The following CYP4X1 variants were observed in gnomAD, a reference collection of about 807,000 sequenced individuals.
The protein encoded by CYP4X1 is cytochrome P450 4X1.
Under a neutral mutation model 57.9 loss-of-function variants are expected in CYP4X1, and 44 were observed. The observed-to-expected ratio is 0.76, with a 90% CI of 0.60 to 0.98. The LOEUF (loss-of-function observed/expected upper bound fraction) is 0.98, where lower values mean the gene tolerates loss of function less well. Ranked by LOEUF, CYP4X1 falls within the 50% of genes least tolerant of loss-of-function variation. The pLI is 0.00. For synonymous variants in CYP4X1, 227 were observed against 228.6 expected (o/e 0.99, Z 0.06); for missense variants, 532 against 623.9 (o/e 0.85, Z 1.57).
chr1:47,030,491 T>C (rs1644113772), intron 2 of CYP4X1, among the ~76,000 whole-genome samples: 1 of 152,068 alleles, frequency 6.6e-6, no homozygotes, highest in African/African-American at 2.4e-5. Context: ...GGGTGGGAAA[T>C]CAGCAGTAAC....
chr1:47,026,363 A>G (rs989724401), intron 1 of CYP4X1, among the ~76,000 whole-genome samples: 2 of 152,194 alleles, frequency 1.3e-5, no homozygotes, highest in Non-Finnish European at 2.9e-5. Context: ...TACACCTACT[A>G]TGTATCCACA....
the CYP4X1 span, among the ~76,000 whole-genome samples, chr1:47,000,373 A>C: frequency 6.6e-6 from 1 of 152,108 alleles, no homozygotes; most frequent in South Asian, 2.1e-4. Flanking sequence ...GTGTGAAAAC[A>C]GATAAATACA....
the CYP4X1 span, among the ~76,000 whole-genome samples, chr1:47,013,966 T>G: frequency 0.021 from 3,259 of 151,890 alleles, 76 homozygotes; most frequent in African/African-American, 0.057. Flanking sequence ...GTAGAGATAG[T>G]GTTTCGCCAA....
chr1:46,968,972 G>A, the CYP4X1 span, among the ~76,000 whole-genome samples: 1 of 152,178 alleles, frequency 6.6e-6, no homozygotes, highest in Non-Finnish European at 1.5e-5. Context: ...AATTTGTGCT[G>A]CTGAATACTC....
the CYP4X1 span, among the ~76,000 whole-genome samples, chr1:46,992,866 T>TG: frequency 1.3e-5 from 2 of 152,228 alleles, no homozygotes; most frequent in Non-Finnish European, 2.9e-5. Context: ...ACCAGCAATT[T>TG]GTAAGAGTTC....
chr1:46,977,628 AC>A, the CYP4X1 span, among the ~76,000 whole-genome samples: 91 of 152,146 alleles, frequency 6.0e-4, no homozygotes, highest in African/African-American at 2.0e-3. Context: ...ACAGAGACCA[AC>A]AAAAAGATAC....
chr1:46,974,625 G>A, the CYP4X1 span, among the ~76,000 whole-genome samples: 1 of 152,124 alleles, frequency 6.6e-6, no homozygotes, highest in Non-Finnish European at 1.5e-5. Flanking sequence ...AGTGTTGGGT[G>A]CATGTATATT....
chr1:46,983,079 G>A, the CYP4X1 span, among the ~76,000 whole-genome samples: 2 of 152,212 alleles, frequency 1.3e-5, 1 homozygote, highest in African/African-American at 4.8e-5. Context: ...GAGCTTGTGG[G>A]AAAGGCCGTC....
rs1157149533 is a variant in CYP4X1 at position 47,036,043 on chromosome 1, T to C, written c.647T>C (p.Ile216Thr). 6.2e-7 allele frequency: 1 copy of C among 1,613,532 alleles called. No homozygotes were observed. The highest frequency in any genetic ancestry group is 1.1e-5 in the South Asian group (1 of 91,006). The change falls in exon 6 of 12, where the codon ATA (isoleucine) becomes ACA (threonine). Residue 216 changes from isoleucine (I) to threonine (T), a missense_variant. By Grantham distance (89) the Ile-to-Thr change is moderately conservative (BLOSUM62 -1). Coordinates refer to ENST00000371901, the MANE Select transcript of CYP4X1 (RefSeq NM_178033.2). ...ACCCATGATCCTTATGCAAAAGCCA[T>C]ATTTGAACTCAGCAAAATCATATTT... Reference protein sequence around the residue: ...NSTHDPYAKAIFELSKIIFHR... With the variant: ...NSTHDPYAKATFELSKIIFHR...
intron 3 of CYP4X1, among the ~76,000 whole-genome samples, chr1:47,032,165 C>T (rs1020325628): frequency 1.6e-4 from 25 of 152,068 alleles, no homozygotes; most frequent in Admixed American, 6.6e-5. Context: ...CCTTTATTTC[C>T]ACATGCGAGT....
the CYP4X1 span, among the ~76,000 whole-genome samples, chr1:46,968,453 T>C: frequency 6.6e-6 from 1 of 152,158 alleles, no homozygotes. Flanking sequence ...GCCCACCTCT[T>C]ACCTGTGCAG....
At chr1:46,966,074 G>C in the CYP4X1 span, among the ~76,000 whole-genome samples, 1 of 152,206 alleles carries the variant, frequency 6.6e-6, no homozygotes, top group Non-Finnish European at 1.5e-5. Context: ...TGGAACAGCT[G>C]AGTCTACCAA....
the CYP4X1 span, among the ~76,000 whole-genome samples, chr1:47,007,871 GA>G: frequency 6.6e-6 from 1 of 152,078 alleles, no homozygotes; most frequent in Non-Finnish European, 1.5e-5. Context: ...GAAGTTTAGA[GA>G]AAAAAGAATA....
Position 47,035,927 on chromosome 1 carries a change from CA to C in CYP4X1, c.617del (p.Asn206ThrfsTer31). 1 of 1,613,606 alleles carries C rather than the reference CA, an allele frequency of 6.2e-7. No homozygotes were observed. Reference protein sequence around the residue: ...CAFSKETNCQTNSTHDPYAKA... With the variant: ...CAFSKETNCQXNSTHDPYAKA... ...TTCAGCAAGGAGACCAACTGCCAGA[CA>C]AACAGGTCAGTGGTGGGAGAGCAAA... On this transcript the variant is annotated frameshift_variant, in exon 5 of 12. Coordinates refer to ENST00000371901, the MANE Select transcript of CYP4X1 (RefSeq NM_178033.2). LOFTEE classifies it high-confidence loss of function.
the CYP4X1 span, among the ~76,000 whole-genome samples, chr1:47,014,310 C>A: frequency 6.6e-6 from 1 of 152,146 alleles, no homozygotes; most frequent in Non-Finnish European, 1.5e-5. Flanking sequence ...CTTCCTCCTA[C>A]CTTCAAGGCC....
chr1:46,980,036 A>C, the CYP4X1 span, among the ~76,000 whole-genome samples: 1 of 152,212 alleles, frequency 6.6e-6, no homozygotes, highest in Non-Finnish European at 1.5e-5. Context: ...GAATGGGCAA[A>C]ACTGGAAGCA....
chr1:47,023,632 G>C (rs1190489697), upstream of CYP4X1: 2 of 1,326,922 alleles, frequency 1.5e-6, no homozygotes, highest in Non-Finnish European at 1.9e-6. Flanking sequence ...CCGCACGCGC[G>C]CCTGCCTCCT....
At chr1:47,003,648 G>A in the CYP4X1 span, among the ~76,000 whole-genome samples, 37,215 of 151,848 alleles carry the variant, frequency 0.25, 4,974 homozygotes, top group East Asian at 0.51. Flanking sequence ...CCAGGAGCAA[G>A]AGAGAGAGTA....
At chr1:47,039,287 T>G in intron 7 of CYP4X1, 55 bp from the exon 8 acceptor site, 1 of 1,469,092 alleles carries the variant, frequency 6.8e-7, no homozygotes, top group Non-Finnish European at 9.1e-7. Context: ...TGGTTGTATC[T>G]CCAAACATTT....
Sources: gnomAD v4.1 joint callset for allele counts (sites outside exome capture counted in the v4.1 genomes callset) on GRCh38, gnomAD v4.1.1 for gene constraint, MANE v1.5 for transcripts, NCBI Gene and HGNC (gene_info 2026-07-23, HGNC 2026-07-21) for gene names.